SUZ12: variants seen among roughly 807,000 people sequenced by gnomAD.
SUZ12 encodes SUZ12 polycomb repressive complex 2 subunit.
In SUZ12, 17 loss-of-function variants were observed where a neutral mutation model predicts 87.3. The ratio of observed to expected loss-of-function variants is 0.19; its 90% CI spans 0.13 to 0.29. The LOEUF is 0.29. Among genes scored for constraint, SUZ12 ranks in the 10% least tolerant of loss-of-function variants. The pLI is 1.00. For synonymous variants in SUZ12, 253 were observed against 312.4 expected, an observed-to-expected ratio of 0.81 and a Z score of 2.01; for missense variants, 526 against 912.2, an observed-to-expected ratio of 0.58 and a Z score of 5.45.
At chr17:31,945,977 A>G (rs1043327287) in intron 3 of SUZ12, among the ~76,000 whole-genome samples, 1 of 151,970 alleles carries the variant, frequency 6.6e-6, no homozygotes, top group Non-Finnish European at 1.5e-5. Flanking sequence ...TTTCTCTCTT[A>G]TCTGTGGAGA....
chr17:31,998,799 G>A lies in SUZ12; in HGVS notation c.2016G>A (p.Met672Ile), dbSNP rs759924711. The change falls in exon 16 of 16, where the codon ATG (methionine) becomes ATA (isoleucine). Residue 672 changes from methionine to isoleucine, a missense_variant. By Grantham distance (10) the Met-to-Ile change is conservative (BLOSUM62 1). This residue lies in a region of SUZ12 where 143 missense variants were observed against 321.6 expected (regional missense o/e 0.44). Coordinates refer to ENST00000322652, the MANE Select transcript of SUZ12 (RefSeq NM_015355.4). The stretch of plus-strand genomic sequence containing the variant: ...ATGACTTTAATCTTATTAGCATAAT[G>A]TCAATAGATAAAGCTGTTACCAAGC... ...SMHDFNLISI[M>I]SIDKAVTKLR... The A allele has an allele frequency of 3.7e-6, 6 of 1,613,336 alleles. No individual in the cohort carries two copies. The highest frequency in any genetic ancestry group is 5.1e-6 in the Non-Finnish European group (6 of 1,179,694).
At chr17:31,957,131 G>A (rs529999913) in intron 4 of SUZ12, among the ~76,000 whole-genome samples, 1 of 152,236 alleles carries the variant, frequency 6.6e-6, no homozygotes, top group East Asian at 1.9e-4. Flanking sequence ...GCCCGGGCTG[G>A]AGTGCAGTGG....
Position 31,999,051 on chromosome 17 carries a change from G to A in SUZ12, c.*48G>A. ...GACAAACACTGAAATTACATTTTAGGGAATTCATCCTCTAAGAATTATGTT... is the reference window on the plus strand; with the variant it reads ...GACAAACACTGAAATTACATTTTAGAGAATTCATCCTCTAAGAATTATGTT... On this transcript the variant is annotated 3_prime_UTR_variant, in exon 16 of 16. Coordinates refer to ENST00000322652, the MANE Select transcript of SUZ12 (RefSeq NM_015355.4). The A allele has an allele frequency of 2.1e-6, 3 of 1,412,890 alleles. No individual in the cohort carries two copies. Among genetic ancestry groups the A allele is most frequent in the Non-Finnish European group, 1.9e-6 (2 of 1,063,130 alleles). 87.5% of individuals were successfully genotyped at this position (1,412,890 alleles called of 1,614,324 possible). A position where few individuals can be genotyped will look rare whatever the true frequency, so the allele number is the denominator to read the frequency against.
Position 31,980,428 on chromosome 17 carries a change from C to T in SUZ12, c.918-2571C>T, listed in dbSNP as rs1260309494. ...GTAAGATATACCAGAATCACCTTCTCCTTTTTTTTTTTTTTTTTTTTTTTT... is the reference window on the plus strand; with the variant it reads ...GTAAGATATACCAGAATCACCTTCTTCTTTTTTTTTTTTTTTTTTTTTTTT... On this transcript the variant is annotated intron_variant, in intron 8 of 15. Transcript: ENST00000322652. Among the ~76,000 whole-genome samples, 9 of 81,870 alleles carry T rather than the reference C, an allele frequency of 1.1e-4. No individual in the cohort carries two copies. In the South Asian group the frequency reaches 1.6e-3, roughly 14 times the overall value. 53.7% of individuals were successfully genotyped at this position (81,870 alleles called of 152,430 possible).
intron 3 of SUZ12, among the ~76,000 whole-genome samples, chr17:31,943,681 G>A (rs1906440091): frequency 6.6e-6 from 1 of 151,686 alleles, no homozygotes; most frequent in Admixed American, 6.6e-5. Context: ...AGTAGAATTC[G>A]ACTAACTGTT....
Position 31,994,726 on chromosome 17 carries a change from G to GT in SUZ12, c.1595+6dup. On this transcript the variant is annotated splice_donor_region_variant and intron_variant, in intron 13 of 15. Transcript: ENST00000322652. ...CACACATATTCTTGTGTGCAGGTAGGTAAAAAGGGCATATAAGAAAAGTTT... is the reference window on the plus strand; with the variant it reads ...CACACATATTCTTGTGTGCAGGTAGGTTAAAAAGGGCATATAAGAAAAGTTT... 4 of 1,610,406 alleles carry GT rather than the reference G, an allele frequency of 2.5e-6. No individual in the cohort carries two copies. The highest frequency in any genetic ancestry group is 3.4e-6 in the Non-Finnish European group (4 of 1,178,518).
chr17:31,996,296 T>C (rs577999705), intron 14 of SUZ12, among the ~76,000 whole-genome samples: 2 of 152,198 alleles, frequency 1.3e-5, no homozygotes, highest in African/African-American at 2.4e-5. Context: ...TCTATATTTA[T>C]AGGTAATCGT....
intron 3 of SUZ12, among the ~76,000 whole-genome samples, chr17:31,944,356 G>A (rs1219257158): frequency 6.6e-6 from 1 of 152,020 alleles, no homozygotes; most frequent in African/African-American, 2.4e-5. Flanking sequence ...TCGAACTCCC[G>A]ACCTCAGGTG....
chr17:31,981,962 C>CGA (rs1399761030), intron 8 of SUZ12, among the ~76,000 whole-genome samples: 1 of 152,146 alleles, frequency 6.6e-6, no homozygotes, highest in Non-Finnish European at 1.5e-5. Flanking sequence ...TAGAATTTCT[C>CGA]TAAGAGTGAT....
rs752538834 is a variant in SUZ12, at chr17:31,988,295, T to A, written c.1024-25T>A. On this transcript the variant is annotated intron_variant, in intron 9 of 15. Transcript: ENST00000322652. The stretch of plus-strand genomic sequence containing the variant: ...TTGAATTCATTATCTGAGTCTCCAG[T>A]CTTTGCATGTTTTTTATTTTTTAGA... 9 of 1,518,538 alleles carry A rather than the reference T, an allele frequency of 5.9e-6. No individual in the cohort carries two copies. In the South Asian group the frequency reaches 1.2e-4, roughly 20 times the overall value. 94.1% of individuals were successfully genotyped at this position (1,518,538 alleles called of 1,614,324 possible).
chr17:31,948,136 G>A (rs1471794892), intron 4 of SUZ12, among the ~76,000 whole-genome samples: 2 of 151,912 alleles, frequency 1.3e-5, no homozygotes, highest in Non-Finnish European at 2.9e-5. Context: ...AATCTATCAG[G>A]CAACATATTC....
In SUZ12 at chr17:31,993,262, A is replaced by G. The variant is rs779498376; in HGVS notation, c.1222A>G (p.Thr408Ala). 3.2e-6 allele frequency: 5 copies of G among 1,578,518 alleles called. No homozygotes were observed. In the South Asian group the frequency reaches 5.9e-5, roughly 19 times the overall value. The change falls in exon 11 of 16, where the codon ACA (threonine) becomes GCA (alanine). Residue 408 changes from threonine to alanine, a missense_variant. By Grantham distance (58) the Thr-to-Ala change is moderately conservative. Coordinates refer to ENST00000322652, the MANE Select transcript of SUZ12 (RefSeq NM_015355.4). ...TTCAGCTGTTAAAGAATCATTGACT[A>G]CAGATCTACAAACAAGAAAAGAAAA... is the stretch of plus-strand genomic sequence containing the variant. ...QTIAVKESLT[T>A]DLQTRKEKDT... is the part of the protein sequence containing the mutation.
intron 9 of SUZ12, among the ~76,000 whole-genome samples, chr17:31,987,772 A>AAC (rs904322318): frequency 2.0e-5 from 3 of 152,064 alleles, no homozygotes; most frequent in Non-Finnish European, 2.9e-5. Context: ...CTCTACTAAA[A>AAC]ACACACACAC....
chr17:31,963,754 A>G (rs1907904273), intron 4 of SUZ12: 1 of 151,294 alleles, frequency 6.6e-6, no homozygotes. Flanking sequence ...TGAACTCCTG[A>G]TCTCATGATC....
Position 31,998,842 on chromosome 17 carries a change from A to G in SUZ12, c.2059A>G (p.Lys687Glu). 2 of 1,613,510 alleles carry G rather than the reference A, an allele frequency of 1.2e-6. No individual in the cohort carries two copies. The highest frequency in any genetic ancestry group is 1.7e-6 in the Non-Finnish European group (2 of 1,179,830). ...AVTKLREMQQKLEKGESASPA... is the reference protein window; with the variant it reads ...AVTKLREMQQELEKGESASPA... The stretch of plus-strand genomic sequence containing the variant: ...TACCAAGCTCCGTGAAATGCAGCAA[A>G]AATTAGAAAAGGGGGAATCTGCTTC... Residue 687 changes from lysine to glutamate, a missense_variant, in exon 16 of 16, where the codon AAA becomes GAA. By Grantham distance (56) the Lys-to-Glu change is moderately conservative. This residue lies in a region of SUZ12 where 56 missense variants were observed against 56.6 expected (regional missense o/e 0.99). Transcript: ENST00000322652.
chr17:31,980,290 G>C lies in SUZ12; in HGVS notation c.918-2709G>C, dbSNP rs138961508. Among the ~76,000 whole-genome samples the C allele has an allele frequency of 3.4e-3, 510 of 151,930 alleles. 4 individuals are homozygous for C. The highest frequency in any genetic ancestry group is 0.012 in the African/African-American group (479 of 41,454). On this transcript the variant is annotated intron_variant, in intron 8 of 15. Coordinates refer to ENST00000322652, the MANE Select transcript of SUZ12 (RefSeq NM_015355.4). ...TTTATTCAATTAGTTTTAATCTATT[G>C]ATACTGTTATTTTAATGCTCAAATT...
chr17:31,972,246 C>T (rs920419800), intron 5 of SUZ12, among the ~76,000 whole-genome samples: 14 of 151,956 alleles, frequency 9.2e-5, no homozygotes, highest in African/African-American at 3.4e-4. Context: ...GATCGCCCTA[C>T]TGCACTCCAA....
intron 4 of SUZ12, among the ~76,000 whole-genome samples, chr17:31,953,459 G>A (rs775033345): frequency 2.4e-4 from 36 of 152,100 alleles, no homozygotes; most frequent in Non-Finnish European, 4.6e-4. Context: ...CGAGGCTGGA[G>A]TGTAGTGGCA....
chr17:31,979,184 C>G (rs1404180328), intron 8 of SUZ12, among the ~76,000 whole-genome samples: 7 of 151,294 alleles, frequency 4.6e-5, no homozygotes, highest in East Asian at 1.9e-4. Context: ...TCCACATACC[C>G]TTCATCTAGA....
Sources: gnomAD v4.1 joint callset for allele counts (sites outside exome capture counted in the v4.1 genomes callset) on GRCh38, gnomAD v4.1.1 for gene constraint, gnomAD v4.1.1 regional missense constraint, MANE v1.5 for transcripts, NCBI Gene and HGNC (gene_info 2026-07-23, HGNC 2026-07-21) for gene names.